The following SIPA1L1 variants were observed in gnomAD, a reference collection of about 807,000 sequenced individuals.
SIPA1L1 encodes signal-induced proliferation-associated 1-like protein 1.
Under a neutral mutation model 162.7 loss-of-function variants are expected in SIPA1L1, and 26 were observed. The observed-to-expected ratio is 0.16, with a 90% CI of 0.12 to 0.22. SIPA1L1 has a LOEUF of 0.22. Among genes scored for constraint, SIPA1L1 ranks in the 10% least tolerant of loss-of-function variants. The pLI is 1.00. For synonymous variants in SIPA1L1, 829 were observed against 837.4 expected, an observed-to-expected ratio of 0.99 and a Z score of 0.17; for missense variants, 1,874 against 2,241.0, an observed-to-expected ratio of 0.84 and a Z score of 3.31.
At chr14:71,732,053 C>T (rs1189527057) in intron 20 of SIPA1L1, among the ~76,000 whole-genome samples, 5 of 152,224 alleles carry the variant, frequency 3.3e-5, no homozygotes, top group Non-Finnish European at 7.3e-5. Flanking sequence ...CTCCTACTTA[C>T]CCTTGGTAGG....
rs1227306004 is a variant in SIPA1L1, at chr14:71,559,828, TA to T, written c.-302-27740del. On this transcript the variant is annotated intron_variant, in intron 4 of 23. Coordinates refer to ENST00000381232, the MANE Select transcript of SIPA1L1 (RefSeq NM_001386936.1). ...TATTCCCATTCAAAGTAGAATTATA[TA>T]AACTTTTTTTTTTTTGTATAAAGTT... Among the ~76,000 whole-genome samples the T allele has an allele frequency of 2.1e-3, 110 of 51,472 alleles. 5 individuals are homozygous for T. The highest frequency in any genetic ancestry group is 6.3e-5 in the Non-Finnish European group (2 of 31,692). 33.8% of individuals were successfully genotyped at this position (51,472 alleles called of 152,430 possible).
At chr14:71,455,917 G>A (rs1005106681) in intron 2 of SIPA1L1, among the ~76,000 whole-genome samples, 2 of 152,006 alleles carry the variant, frequency 1.3e-5, no homozygotes, top group African/African-American at 2.4e-5. Context: ...ATATACTTTT[G>A]GTGGTTATTG....
intron 16 of SIPA1L1, among the ~76,000 whole-genome samples, chr14:71,707,934 C>T (rs1007749581): frequency 5.4e-5 from 8 of 149,524 alleles, no homozygotes; most frequent in African/African-American, 1.7e-4. Context: ...AGTGGCATCT[C>T]GTGGTTTTGA....
intron 20 of SIPA1L1, among the ~76,000 whole-genome samples, chr14:71,732,938 C>T (rs2084934586): frequency 1.3e-5 from 2 of 152,198 alleles, no homozygotes; most frequent in South Asian, 2.1e-4. Flanking sequence ...TTAAACTGGG[C>T]GTGGTGGCTC....
chr14:71,509,811 T>G (rs1490401025), intron 2 of SIPA1L1, among the ~76,000 whole-genome samples: 1 of 151,658 alleles, frequency 6.6e-6, no homozygotes, highest in African/African-American at 2.4e-5. Context: ...AAAGAGCAGA[T>G]TTGTTAACAT....
chr14:71,402,194 CTCAT>C (rs999138274), intron 2 of SIPA1L1, among the ~76,000 whole-genome samples: 1 of 151,830 alleles, frequency 6.6e-6, no homozygotes, highest in South Asian at 2.1e-4. Flanking sequence ...AATAATGAGT[CTCAT>C]TCATTCATAT....
rs1354015136 is a variant in SIPA1L1 at position 71,702,353 on chromosome 14, G to A, written c.3522-28G>A. 3.1e-6 allele frequency: 5 copies of A among 1,613,266 alleles called. No homozygotes were observed. In the Admixed American group the frequency reaches 8.3e-5, roughly 27 times the overall value. On this transcript the variant is annotated intron_variant, in intron 14 of 23. Coordinates refer to ENST00000381232, the MANE Select transcript of SIPA1L1 (RefSeq NM_001386936.1). ...CCTCATGGGTAAGGTCCCTGATGTTGTCTTTGCCTTTGCGGAAATCACCAC... is the reference window on the plus strand; with the variant it reads ...CCTCATGGGTAAGGTCCCTGATGTTATCTTTGCCTTTGCGGAAATCACCAC...
At chr14:71,524,224 T>G (rs1025192930) in intron 3 of SIPA1L1, among the ~76,000 whole-genome samples, 1 of 152,170 alleles carries the variant, frequency 6.6e-6, no homozygotes, top group African/African-American at 2.4e-5. Flanking sequence ...CCTTTCTCCT[T>G]TCTGTATTTG....
chr14:71,602,085 A>T, intron 5 of SIPA1L1, among the ~76,000 whole-genome samples: 1 of 149,300 alleles, frequency 6.7e-6, no homozygotes, highest in African/African-American at 2.5e-5. Flanking sequence ...GTGATCTGTT[A>T]TTTCTTTCCT....
In SIPA1L1 at chr14:71,461,054, G is replaced by T. The variant is rs1436779605; in HGVS notation, c.-464-51689G>T. 1.3e-5 allele frequency among the ~76,000 whole-genome samples: 2 copies of T among 152,214 alleles called. 1 individual carries two copies. Among genetic ancestry groups the T allele is most frequent in the East Asian group, 3.8e-4 (2 of 5,196 alleles). ...GCAATGGTGTGTGGAATACCATGTT[G>T]GTGGATAAGGCATTCCATGAGTCTA... On this transcript the variant is annotated intron_variant, in intron 2 of 23. Transcript: ENST00000381232.
intron 2 of SIPA1L1, among the ~76,000 whole-genome samples, chr14:71,502,251 A>ATATATATATATATATAT (rs1555440954): frequency 3.4e-4 from 21 of 60,942 alleles, no homozygotes; most frequent in African/African-American, 1.2e-3. Flanking sequence ...TGAAAAAAAA[A>ATATATATATATATATAT]AAAAATATAT....
intron 21 of SIPA1L1, among the ~76,000 whole-genome samples, chr14:71,734,896 C>T (rs769917172): frequency 2.6e-4 from 40 of 152,188 alleles, no homozygotes; most frequent in Non-Finnish European, 5.0e-4. Flanking sequence ...TGGTGGAAAA[C>T]ATACTTCAAG....
chr14:71,501,605 G>A (rs1461695566), intron 2 of SIPA1L1, among the ~76,000 whole-genome samples: 2 of 152,210 alleles, frequency 1.3e-5, no homozygotes, highest in Non-Finnish European at 2.9e-5. Context: ...GGCTTCTGAG[G>A]TGTTGGTAAT....
chr14:71,459,290 G>C (rs1034735372), intron 2 of SIPA1L1, among the ~76,000 whole-genome samples: 1 of 152,094 alleles, frequency 6.6e-6, no homozygotes, highest in East Asian at 1.9e-4. Flanking sequence ...CTTCTTTTAA[G>C]TCCTTACAAT....
chr14:71,610,073 G>T (rs1230605367), intron 5 of SIPA1L1, among the ~76,000 whole-genome samples: 1 of 152,134 alleles, frequency 6.6e-6, no homozygotes, highest in Non-Finnish European at 1.5e-5. Context: ...CAAAGTAGGG[G>T]TGAGTGTAGT....
chr14:71,691,190 G>C (rs1360049468), intron 13 of SIPA1L1, among the ~76,000 whole-genome samples: 1 of 152,214 alleles, frequency 6.6e-6, no homozygotes, highest in Non-Finnish European at 1.5e-5. Context: ...CCTCCCACTG[G>C]AAGGATGACC....
intron 2 of SIPA1L1, among the ~76,000 whole-genome samples, chr14:71,435,722 C>A (rs1483029147): frequency 6.6e-6 from 1 of 152,186 alleles, no homozygotes; most frequent in Non-Finnish European, 1.5e-5. Flanking sequence ...AATGGTATTT[C>A]TAGTTCTAGA....
At chr14:71,734,022 A>C (rs1043365146) in intron 21 of SIPA1L1, among the ~76,000 whole-genome samples, 1 of 152,270 alleles carries the variant, frequency 6.6e-6, no homozygotes, top group Non-Finnish European at 1.5e-5. Context: ...TTTCCTCCAC[A>C]GGATTCATAA....
At chr14:71,494,407 G>A (rs1042661502) in intron 2 of SIPA1L1, among the ~76,000 whole-genome samples, 13 of 151,160 alleles carry the variant, frequency 8.6e-5, no homozygotes, top group African/African-American at 2.7e-4. Context: ...TTAATATGTT[G>A]TATTAAATTA....
Sources: gnomAD v4.1 joint callset for allele counts (sites outside exome capture counted in the v4.1 genomes callset) on GRCh38, gnomAD v4.1.1 for gene constraint, MANE v1.5 for transcripts, NCBI Gene and HGNC (gene_info 2026-07-23, HGNC 2026-07-21) for gene names.